CHFR: variants seen among roughly 807,000 people sequenced by gnomAD.
CHFR encodes the protein E3 ubiquitin-protein ligase CHFR.
A neutral mutation model predicts 87.6 loss-of-function variants in CHFR; 57 were observed. That is an observed-to-expected ratio of 0.65 (90% CI 0.53 to 0.81). The LOEUF (loss-of-function observed/expected upper bound fraction) is 0.81. Among genes scored for constraint, CHFR ranks in the 30% least tolerant of loss-of-function variants. The pLI is 0.00. For synonymous variants in CHFR, 381 were observed against 359.2 expected (o/e 1.06, Z -0.69); for missense variants, 797 against 865.8 (o/e 0.92, Z 1.00).
chr12:132,854,233 A>G (rs902920853), intron 10 of CHFR: 1 of 152,062 alleles, frequency 6.6e-6, no homozygotes, highest in Non-Finnish European at 1.5e-5. Flanking sequence ...GTAAATGAAA[A>G]TGAGATTACC....
intron 2 of CHFR, among the ~76,000 whole-genome samples, chr12:132,885,196 T>G (rs1190012958): frequency 6.6e-6 from 1 of 151,448 alleles, no homozygotes; most frequent in Non-Finnish European, 1.5e-5. Flanking sequence ...GATCACGAGG[T>G]CAGGAGATTG....
At position 132,869,801 on chromosome 12, in the gene CHFR, T is replaced by A. The variant is rs1454615091; in HGVS notation, c.404-3A>T. The A allele has an allele frequency of 1.9e-6, 3 of 1,551,396 alleles. No individual in the cohort carries two copies. Among genetic ancestry groups the A allele is most frequent in the South Asian group, 2.4e-5 (2 of 84,060 alleles). ...CCCTGCACCTGCACCTGAGGTATCT[T>A]TGGTCCCATGGAACACATTTTCCTT... On this transcript the variant is annotated splice_region_variant and splice_polypyrimidine_tract_variant and intron_variant, in intron 5 of 17. Transcript: ENST00000450056.
chr12:132,863,249 T>C (rs990622811), intron 6 of CHFR, among the ~76,000 whole-genome samples: 1 of 148,408 alleles, frequency 6.7e-6, no homozygotes, highest in Non-Finnish European at 1.5e-5. Flanking sequence ...GGCTCATGCC[T>C]GTAATCCCAG....
At chr12:132,869,886 C>A in intron 5 of CHFR, 88 bp from the exon 6 acceptor site, 2 of 1,441,960 alleles carry the variant, frequency 1.4e-6, no homozygotes, top group Non-Finnish European at 1.9e-6. Flanking sequence ...CAAGCAGACA[C>A]TCTAGGGATT....
Position 132,834,241 on chromosome 12 carries a change from GC to G in CHFR, c.*7312del, listed in dbSNP as rs1280007906. ...AACACCAAGTGGAGCCATCAGGTCA[GC>G]AGTTAGAGCTGAGTGTCTGCCACAG... On this transcript the variant is annotated 3_prime_UTR_variant, in exon 18 of 18. Coordinates refer to ENST00000450056, the MANE Select transcript of CHFR (RefSeq NM_001161346.2). The G allele has an allele frequency of 1.3e-5, 2 of 152,348 alleles. No individual in the cohort carries two copies. Among genetic ancestry groups the G allele is most frequent in the African/African-American group, 4.8e-5 (2 of 41,458 alleles). 9.4% of individuals were successfully genotyped at this position (152,348 alleles called of 1,614,324 possible).
chr12:132,861,220 T>G (rs1951202647), intron 7 of CHFR, among the ~76,000 whole-genome samples: 1 of 152,210 alleles, frequency 6.6e-6, no homozygotes, highest in Admixed American at 6.5e-5. Context: ...CAATTCAGAA[T>G]GCACTATTTC....
At chr12:132,847,365 TCA>T in intron 14 of CHFR, 1 of 1,213,640 alleles carries the variant, frequency 8.2e-7, no homozygotes, top group Non-Finnish European at 1.0e-6. Context: ...CCAGAGTCTC[TCA>T]AAAGTTCTGC....
At chr12:132,863,536 CA>C (rs373793123) in intron 6 of CHFR, among the ~76,000 whole-genome samples, 4 of 150,680 alleles carry the variant, frequency 2.7e-5, no homozygotes, top group East Asian at 2.0e-4. Context: ...AACAAACAAA[CA>C]AAAAAAAACA....
chr12:132,850,126 T>G (rs1950908419), intron 12 of CHFR, among the ~76,000 whole-genome samples: 1 of 152,130 alleles, frequency 6.6e-6, no homozygotes, highest in Non-Finnish European at 1.5e-5. Flanking sequence ...GCTAATTTTT[T>G]GTAATTTTAG....
intron 14 of CHFR, chr12:132,847,636 G>A: frequency 1.0e-5 from 11 of 1,078,496 alleles, no homozygotes; most frequent in Non-Finnish European, 1.0e-5. Context: ...CAAAGTGCTC[G>A]GCAGGAGGGC....
Position 132,853,398 on chromosome 12 carries a change from C to T in CHFR, c.1372+33G>A, listed in dbSNP as rs1203337096. 16 of 1,476,590 alleles carry T rather than the reference C, an allele frequency of 1.1e-5. No individual in the cohort carries two copies. The highest frequency in any genetic ancestry group is 1.5e-5 in the African/African-American group (1 of 68,310). 91.5% of individuals were successfully genotyped at this position (1,476,590 alleles called of 1,614,324 possible). A position where few individuals can be genotyped will look rare whatever the true frequency, so the allele number is the denominator to read the frequency against. On this transcript the variant is annotated intron_variant, in intron 11 of 17. Coordinates refer to ENST00000450056, the MANE Select transcript of CHFR (RefSeq NM_001161346.2). Reference sequence around the variant, plus strand: ...GGGCACAGCCACAAAGTGACTCACGCGAAGGCTGAGGCCTGAGGGCGGCGC... The same window carrying T: ...GGGCACAGCCACAAAGTGACTCACGTGAAGGCTGAGGCCTGAGGGCGGCGC...
Position 132,844,113 on chromosome 12 carries a change from G to A in CHFR, c.1757C>T (p.Thr586Ile). The A allele has an allele frequency of 6.2e-7, 1 of 1,612,838 alleles. No homozygotes were observed. Among genetic ancestry groups the A allele is most frequent in the Non-Finnish European group, 8.5e-7 (1 of 1,179,050 alleles). ...CAGGCCACAGCAGTAACACAGAACG[G>A]TGTCTCCCGTGACTCTGTAATCTGG... ...LLSDYRVTGD[T>I]VLCYCCGLRS... Residue 586 changes from threonine (T) to isoleucine (I), a missense_variant, in exon 16 of 18, where the codon ACC becomes ATC. Thr to Ile is a moderately conservative substitution (Grantham distance 89, BLOSUM62 -1). Coordinates refer to ENST00000450056, the MANE Select transcript of CHFR (RefSeq NM_001161346.2).
chr12:132,887,369 G>C, intron 1 of CHFR, 29 bp from the exon 2 acceptor site: 2 of 1,337,930 alleles, frequency 1.5e-6, no homozygotes, highest in South Asian at 1.8e-5. Flanking sequence ...CGCCCATGGA[G>C]ACTCCCGACC....
Position 132,877,646 on chromosome 12 carries a change from G to A in CHFR, c.142C>T (p.Leu48Phe), listed in dbSNP as rs370348872. Residue 48 changes from leucine (L) to phenylalanine (F), a missense_variant, in exon 3 of 18, where the codon CTT (leucine) becomes TTT (phenylalanine). Leu to Phe is a conservative substitution (Grantham distance 22, BLOSUM62 0). Coordinates refer to ENST00000450056, the MANE Select transcript of CHFR (RefSeq NM_001161346.2). ...ACCAGTTTATTGCTGGGGAAGGAAA[G>A]GTCGCAACCTAAAAAAGAGAGGGTG... ...WTIGRRRGCD[L>F]SFPSNKLVSG... 23 of 1,611,542 alleles carry A rather than the reference G, an allele frequency of 1.4e-5. No individual in the cohort carries two copies. The highest frequency in any genetic ancestry group is 2.0e-5 in the Non-Finnish European group (23 of 1,178,536).
intron 4 of CHFR, among the ~76,000 whole-genome samples, chr12:132,871,615 T>A (rs1017552062): frequency 2.0e-5 from 3 of 150,862 alleles, no homozygotes; most frequent in Non-Finnish European, 4.4e-5. Context: ...CTACTAAAAA[T>A]ACAAAAATGA....
At chr12:132,882,034 C>T (rs1566207128) in intron 2 of CHFR, among the ~76,000 whole-genome samples, 1 of 152,198 alleles carries the variant, frequency 6.6e-6, no homozygotes, top group South Asian at 2.1e-4. Context: ...CGTGGCCCAG[C>T]AATTCCATTC....
chr12:132,877,485 GCA>G lies in CHFR; in HGVS notation c.233+68_233+69del. The G allele has an allele frequency of 3.8e-6, 4 of 1,048,050 alleles. No homozygotes were observed. The South Asian group carries it at 4.5e-5, about 12-fold the overall frequency. 64.9% of individuals were successfully genotyped at this position (1,048,050 alleles called of 1,614,324 possible). A position where few individuals can be genotyped will look rare whatever the true frequency, so the allele number is the denominator to read the frequency against. The stretch of plus-strand genomic sequence containing the variant: ...TTCTCCTCCTCAGCCGTGGCACACA[GCA>G]CAGAGCACGAAGTCAGGCTTCTTAA... On this transcript the variant is annotated intron_variant, in intron 3 of 17. Transcript: ENST00000450056.
chr12:132,878,044 T>C (rs1366442748), intron 2 of CHFR, among the ~76,000 whole-genome samples: 1 of 152,068 alleles, frequency 6.6e-6, no homozygotes, highest in East Asian at 1.9e-4. Context: ...CCTCATGATC[T>C]GCCCACCTTG....
chr12:132,856,354 A>T, intron 10 of CHFR, 114 bp downstream of exon 10: 5 of 1,135,024 alleles, frequency 4.4e-6, no homozygotes, highest in Non-Finnish European at 6.4e-6. Context: ...TTGGCTGCTC[A>T]GGGCAGAACT....
Sources: gnomAD v4.1 joint callset for allele counts (sites outside exome capture counted in the v4.1 genomes callset) on GRCh38, gnomAD v4.1.1 for gene constraint, MANE v1.5 for transcripts, NCBI Gene and HGNC (gene_info 2026-07-23, HGNC 2026-07-21) for gene names.